ST7L: variants seen among roughly 807,000 people sequenced by gnomAD.
The protein encoded by ST7L is suppressor of tumorigenicity 7 protein-like.
ST7L carries 57 observed loss-of-function variants against 72.5 expected under a neutral mutation model. The observed-to-expected ratio is 0.79, with a 90% CI of 0.64 to 0.98. The LOEUF (loss-of-function observed/expected upper bound fraction) is 0.98, where lower values mean the gene tolerates loss of function less well. Among genes scored for constraint, ST7L ranks in the 50% least tolerant of loss-of-function variants. The pLI is 0.00. For synonymous variants in ST7L, 221 were observed against 240.9 expected (o/e 0.92, Z 0.77); for missense variants, 576 against 672.2 (o/e 0.86, Z 1.58).
downstream of ST7L, among the ~76,000 whole-genome samples, chr1:112,519,872 C>CTTCTTTTTT (rs10634267): frequency 0.028 from 3,218 of 115,216 alleles, 87 homozygotes; most frequent in East Asian, 0.073. Flanking sequence ...GCCCATGCTT[C>CTTCTTTTTT]TTTTTTTTTT....
At chr1:112,538,099 T>C (rs1416202779) in intron 14 of ST7L, among the ~76,000 whole-genome samples, 2 of 152,202 alleles carry the variant, frequency 1.3e-5, no homozygotes, top group East Asian at 1.9e-4. Flanking sequence ...ATGGTAACAA[T>C]AAAGAAATTT....
At chr1:112,558,038 A>G (rs922681066) in intron 11 of ST7L, among the ~76,000 whole-genome samples, 2 of 152,210 alleles carry the variant, frequency 1.3e-5, no homozygotes, top group Non-Finnish European at 2.9e-5. Flanking sequence ...CATCTTTACT[A>G]TTAGTCAACT....
intron 4 of ST7L, among the ~76,000 whole-genome samples, chr1:112,600,230 G>T (rs1434280693): frequency 6.6e-6 from 1 of 151,964 alleles, no homozygotes; most frequent in Non-Finnish European, 1.5e-5. Flanking sequence ...TAGAGACGGG[G>T]TTTCACCATG....
intron 11 of ST7L, among the ~76,000 whole-genome samples, chr1:112,564,069 G>A (rs1356603616): frequency 6.6e-6 from 1 of 152,190 alleles, no homozygotes; most frequent in Non-Finnish European, 1.5e-5. Flanking sequence ...GACAGGCAGG[G>A]CGAATGCAGA....
chr1:112,566,854 T>G (rs1173451538), intron 11 of ST7L, among the ~76,000 whole-genome samples: 1 of 152,228 alleles, frequency 6.6e-6, no homozygotes, highest in Non-Finnish European at 1.5e-5. Context: ...CTTATCTATT[T>G]ACCTATTGAA....
At chr1:112,552,044 C>A (rs1658292882) in intron 12 of ST7L, among the ~76,000 whole-genome samples, 1 of 152,180 alleles carries the variant, frequency 6.6e-6, no homozygotes, top group African/African-American at 2.4e-5. Context: ...CCTATCCTGG[C>A]AGCCCAGGGT....
intron 11 of ST7L, among the ~76,000 whole-genome samples, chr1:112,560,555 T>C (rs866159957): frequency 6.6e-6 from 1 of 152,236 alleles, no homozygotes; most frequent in Admixed American, 6.5e-5. Context: ...CTTCACAAAC[T>C]GCTACTCAGG....
chr1:112,584,130 T>A lies in ST7L; in HGVS notation c.702-4A>T. 6.2e-7 allele frequency: 1 copy of A among 1,608,828 alleles called. No individual in the cohort carries two copies. Among genetic ancestry groups the A allele is most frequent in the East Asian group, 2.2e-5 (1 of 44,698 alleles). ...TAGAACATATGCAGTGGCACAGCTA[T>A]GAAGAAAGCAAGAAGGCAATTTTAA... On this transcript the variant is annotated splice_polypyrimidine_tract_variant and splice_region_variant and intron_variant, in intron 6 of 14. Transcript: ENST00000358039.
At chr1:112,566,013 G>GA (rs1164234522) in intron 11 of ST7L, among the ~76,000 whole-genome samples, 213 of 86,714 alleles carry the variant, frequency 2.5e-3, no homozygotes, top group African/African-American at 6.1e-3. Context: ...TCTGTCTCAA[G>GA]AAAAAAAAAA....
At chr1:112,587,287 C>A (rs1411256238) in intron 6 of ST7L, among the ~76,000 whole-genome samples, 2 of 152,152 alleles carry the variant, frequency 1.3e-5, no homozygotes, top group South Asian at 4.1e-4. Flanking sequence ...CTTTCCTCCA[C>A]TGAATGGTTT....
At chr1:112,571,806 G>A (rs904613507) in intron 11 of ST7L, among the ~76,000 whole-genome samples, 36 of 152,162 alleles carry the variant, frequency 2.4e-4, no homozygotes, top group African/African-American at 8.0e-4. Context: ...CATATTGCAA[G>A]TTCACTTCCA....
intron 12 of ST7L, among the ~76,000 whole-genome samples, chr1:112,554,940 G>A (rs1183860186): frequency 6.6e-6 from 1 of 152,144 alleles, no homozygotes; most frequent in Non-Finnish European, 1.5e-5. Flanking sequence ...CAAACTCATA[G>A]AGACAAAGTA....
At position 112,577,085 on chromosome 1, in the gene ST7L, G is replaced by A; in HGVS notation, c.1146C>T (p.Phe382=). The A allele has an allele frequency of 6.4e-7, 1 of 1,551,316 alleles. No homozygotes were observed. Among genetic ancestry groups the A allele is most frequent in the South Asian group, 1.3e-5 (1 of 79,256 alleles). Residue 382 remains phenylalanine, a synonymous_variant, in exon 11 of 15, where the codon TTC becomes TTT. Transcript: ENST00000358039. ...LLKTRTVSEK[F]SPETASRRGL... ...CTCTTCTGGAGGCTGTTTCTGGAGAGAATCTACAAGAAAACCACAAAATGA... is the reference window on the plus strand; with the variant it reads ...CTCTTCTGGAGGCTGTTTCTGGAGAAAATCTACAAGAAAACCACAAAATGA...
intron 6 of ST7L, among the ~76,000 whole-genome samples, chr1:112,585,469 G>A (rs537358557): frequency 1.3e-5 from 2 of 152,280 alleles, no homozygotes; most frequent in South Asian, 2.1e-4. Context: ...TGGGCCGGGC[G>A]CGGTGGCTCA....
chr1:112,568,547 G>C (rs183499223), intron 11 of ST7L, among the ~76,000 whole-genome samples: 2 of 151,230 alleles, frequency 1.3e-5, no homozygotes, highest in Admixed American at 1.3e-4. Context: ...GTGTTAGCCA[G>C]GATGGTCTCG....
chr1:112,539,988 CTTCCA>C (rs746430059), intron 14 of ST7L: 21 of 985,232 alleles, frequency 2.1e-5, no homozygotes, highest in Non-Finnish European at 2.4e-5. Context: ...GAAAAAGAAG[CTTCCA>C]TTTAAAATAT....
At chr1:112,617,717 TCACACACACACACACACACACA>T (rs56216561) in intron 1 of ST7L, among the ~76,000 whole-genome samples, 1 of 126,432 alleles carries the variant, frequency 7.9e-6, no homozygotes, top group African/African-American at 4.1e-5. Context: ...TTTCTCTCTC[TCACACACACACACACACACACA>T]CACACACACA....
chr1:112,603,161 AT>A (rs1474220766), intron 3 of ST7L, among the ~76,000 whole-genome samples: 1 of 152,170 alleles, frequency 6.6e-6, no homozygotes, highest in East Asian at 1.9e-4. Context: ...AGCCTGGCAA[AT>A]TTCACAATAA....
At chr1:112,558,516 T>TTAA in intron 11 of ST7L, among the ~76,000 whole-genome samples, 1 of 152,236 alleles carries the variant, frequency 6.6e-6, no homozygotes, top group Non-Finnish European at 1.5e-5. Context: ...ATTACTAAGT[T>TTAA]TAATGCCCAT....
Sources: allele counts gnomAD v4.1 joint callset (sites outside exome capture counted in the v4.1 genomes callset), GRCh38; gene constraint gnomAD v4.1.1; transcripts MANE v1.5; gene names NCBI Gene and HGNC (gene_info 2026-07-23, HGNC 2026-07-21).